The following SERHL2 variants were observed in gnomAD, a reference collection of about 807,000 sequenced individuals.
SERHL2 encodes serine hydrolase-like protein 2.
A neutral mutation model predicts 25.5 loss-of-function variants in SERHL2; 29 were observed. The observed-to-expected ratio is 1.14, with a 90% CI of 0.85 to 1.55. The LOEUF is 1.55. SERHL2 is among the 40% of genes most tolerant of loss of function. The pLI is 0.00. For synonymous variants in SERHL2, 95 were observed against 103.5 expected (o/e 0.92, Z 0.50); for missense variants, 240 against 252.3 (o/e 0.95, Z 0.33).
At chr22:42,573,562 G>C (rs529822684) in intron 11 of SERHL2, 17 of 230,554 alleles carry the variant, frequency 7.4e-5, no homozygotes, top group African/African-American at 3.9e-4. Flanking sequence ...GCCCGGCCCT[G>C]TCTGGCTTCT....
intron 1 of SERHL2, 128 bp downstream of exon 1, chr22:42,554,170 C>T (rs1921942886): frequency 3.4e-6 from 4 of 1,173,722 alleles, no homozygotes; most frequent in Admixed American, 4.1e-5. Flanking sequence ...GCTCCTTCCT[C>T]GGCAGTCCCG....
At chr22:42,571,383 G>T in intron 10 of SERHL2, 180 bp downstream of exon 10, 2 of 1,419,920 alleles carry the variant, frequency 1.4e-6, no homozygotes, top group East Asian at 5.4e-5. Context: ...GAAGGTCAGA[G>T]GAGGGGAGGG....
At chr22:42,570,576 C>T (rs1222096056) in intron 9 of SERHL2, among the ~76,000 whole-genome samples, 1 of 152,218 alleles carries the variant, frequency 6.6e-6, no homozygotes, top group Non-Finnish European at 1.5e-5. Context: ...AAGCTGGCCA[C>T]ATCCCTGCCA....
At chr22:42,571,317 C>T in intron 10 of SERHL2, 114 bp downstream of exon 10, 5 of 1,540,468 alleles carry the variant, frequency 3.2e-6, no homozygotes, top group Non-Finnish European at 4.4e-6. Flanking sequence ...GACCACATCG[C>T]TAAGGCTCAA....
In SERHL2 at chr22:42,571,126, G is replaced by C. The variant is rs761119414; in HGVS notation, c.654G>C (p.Glu218Asp). 5.0e-6 allele frequency: 8 copies of C among 1,613,270 alleles called. No homozygotes were observed. The highest frequency in any genetic ancestry group is 1.3e-5 in the African/African-American group (1 of 74,906). ...CCATGTTTTTGTCTCTGCAGGCAGA[G>C]AACAGCATTGACTTCATCAGCAGGG... ...LNRDQRLAWAENSIDFISREL... is the reference protein window; with the variant it reads ...LNRDQRLAWADNSIDFISREL... The change falls in exon 10 of 12, where the codon GAG becomes GAC. Residue 218 changes from glutamate to aspartate, a missense_variant. Physicochemically the swap from Glu to Asp is conservative, Grantham distance 45. Around this residue, in one of 4 missense-constraint regions of SERHL2, gnomAD observed 212 missense variants for 168.9 expected, o/e 1.25. Coordinates refer to ENST00000327678, the MANE Select transcript of SERHL2 (RefSeq NM_014509.5).
chr22:42,564,688 C>A (rs187366863), intron 8 of SERHL2, among the ~76,000 whole-genome samples: 19 of 152,072 alleles, frequency 1.2e-4, no homozygotes, highest in Non-Finnish European at 1.8e-4. Context: ...GTCTTGGCCT[C>A]CCAAAGTATT....
chr22:42,572,435 G>A lies in SERHL2; in HGVS notation c.732-1G>A. On this transcript the variant is annotated splice_acceptor_variant, in intron 10 of 11. Coordinates refer to ENST00000327678, the MANE Select transcript of SERHL2 (RefSeq NM_014509.5). LOFTEE classifies it high-confidence loss of function. Reference sequence around the variant, plus strand: ...ACAACCCCCAACTCCTCACTTTCCAGAGCAGTCCACGGATATTTTGATTCA... The same window carrying A: ...ACAACCCCCAACTCCTCACTTTCCAAAGCAGTCCACGGATATTTTGATTCA... 1.2e-6 allele frequency: 2 copies of A among 1,607,572 alleles called. No homozygotes were observed. Among genetic ancestry groups the A allele is most frequent in the Non-Finnish European group, 1.7e-6 (2 of 1,174,766 alleles).
rs755358312 is a variant in SERHL2, at chr22:42,554,060, T to C, written c.22+18T>C. The C allele has an allele frequency of 5.6e-6, 9 of 1,612,370 alleles. 1 individual carries two copies. The highest frequency in any genetic ancestry group is 5.0e-5 in the Admixed American group (3 of 59,860). Reference sequence around the variant, plus strand: ...CGCACCAGGTCTGACGGGGAGGCCTTGTGCGAGCGTCCCACTGCCCACCCA... The same window carrying C: ...CGCACCAGGTCTGACGGGGAGGCCTCGTGCGAGCGTCCCACTGCCCACCCA... On this transcript the variant is annotated intron_variant, in intron 1 of 11. Coordinates refer to ENST00000327678, the MANE Select transcript of SERHL2 (RefSeq NM_014509.5).
chr22:42,559,756 T>TA (rs1922439778), intron 7 of SERHL2, among the ~76,000 whole-genome samples: 1 of 151,716 alleles, frequency 6.6e-6, no homozygotes, highest in African/African-American at 2.4e-5. Context: ...ACGAGACACA[T>TA]GCACGCTTTG....
chr22:42,566,220 T>TG, intron 8 of SERHL2, 84 bp from the exon 9 acceptor site: 7 of 1,412,366 alleles, frequency 5.0e-6, no homozygotes, highest in Non-Finnish European at 6.9e-6. Flanking sequence ...TGCAAAGGCC[T>TG]GGAGGGTTCC....
At chr22:42,567,494 C>T (rs1465200155) in intron 9 of SERHL2, among the ~76,000 whole-genome samples, 1 of 150,942 alleles carries the variant, frequency 6.6e-6, no homozygotes, top group Non-Finnish European at 1.5e-5. Flanking sequence ...GAAACCCCGT[C>T]TCTACTAAAA....
intron 7 of SERHL2, among the ~76,000 whole-genome samples, chr22:42,558,982 G>C (rs1449801155): frequency 2.6e-5 from 1 of 38,348 alleles, no homozygotes; most frequent in Non-Finnish European, 4.4e-5. Flanking sequence ...GGGCCTGGTA[G>C]GTCAGAGCTC....
Position 42,573,801 on chromosome 22 carries a change from G to A in SERHL2, c.826-135G>A. ...TCGGGGCTCCAAGGAGCCGAGTGTGGGGGAAACTCACTGTGGGAGGCGCTC... is the reference window on the plus strand; with the variant it reads ...TCGGGGCTCCAAGGAGCCGAGTGTGAGGGAAACTCACTGTGGGAGGCGCTC... On this transcript the variant is annotated intron_variant, in intron 11 of 11. Coordinates refer to ENST00000327678, the MANE Select transcript of SERHL2 (RefSeq NM_014509.5). 12 of 831,348 alleles carry A rather than the reference G, an allele frequency of 1.4e-5. No homozygotes were observed. The South Asian group carries it at 2.0e-4, about 14-fold the overall frequency. The allele number at this position is 831,348 out of a possible 1,614,324, so 51.5% of individuals were successfully genotyped here. A position where few individuals can be genotyped will look rare whatever the true frequency, so the allele number is the denominator to read the frequency against.
intron 1 of SERHL2, among the ~76,000 whole-genome samples, chr22:42,554,360 G>A (rs1376419853): frequency 2.6e-5 from 4 of 152,130 alleles, no homozygotes; most frequent in African/African-American, 9.7e-5. Flanking sequence ...GGGGGTTCCT[G>A]GAGTCCCACC....
intron 1 of SERHL2, among the ~76,000 whole-genome samples, chr22:42,554,274 C>A (rs1205860967): frequency 6.6e-6 from 1 of 152,084 alleles, no homozygotes; most frequent in Admixed American, 6.5e-5. Flanking sequence ...GTTAGCCGAG[C>A]GTGCGCGTGG....
intron 10 of SERHL2, 183 bp downstream of exon 10, chr22:42,571,386 G>C (rs2146755624): frequency 7.1e-7 from 1 of 1,415,528 alleles, no homozygotes; most frequent in East Asian, 2.7e-5. Context: ...GGTCAGAGGA[G>C]GGGAGGGCTC....
Position 42,571,121 on chromosome 22 carries a change from G to T in SERHL2, c.649G>T (p.Ala217Ser). The T allele has an allele frequency of 6.2e-7, 1 of 1,613,318 alleles. No individual in the cohort carries two copies. The highest frequency in any genetic ancestry group is 8.5e-7 in the Non-Finnish European group (1 of 1,179,552). ...VLNRDQRLAW[A>S]ENSIDFISRE... is the part of the protein sequence containing the mutation. ...ATTCACCATGTTTTTGTCTCTGCAG[G>T]CAGAGAACAGCATTGACTTCATCAG... Residue 217 changes from alanine to serine, a missense_variant and splice_region_variant, in exon 10 of 12, where the codon GCA becomes TCA. This residue lies in a region of SERHL2 where 212 missense variants were observed against 168.9 expected (regional missense o/e 1.25). Coordinates refer to ENST00000327678, the MANE Select transcript of SERHL2 (RefSeq NM_014509.5).
rs1450653838 is a variant in SERHL2, at chr22:42,572,558, C to T, written c.825+29C>T. ...AGACGGGGCTCAGGCAGCTGGTGTC[C>T]AGCCACTGTCGCCCACTCTGGTCCC... On this transcript the variant is annotated intron_variant, in intron 11 of 11. Transcript: ENST00000327678. The T allele has an allele frequency of 3.1e-6, 5 of 1,608,614 alleles. 1 individual carries two copies. In the Admixed American group the frequency reaches 5.0e-5, roughly 16 times the overall value.
At chr22:42,572,669 C>G in intron 11 of SERHL2, 140 bp downstream of exon 11, 1 of 1,427,362 alleles carries the variant, frequency 7.0e-7, no homozygotes, top group Non-Finnish European at 9.2e-7. Flanking sequence ...TATCAGGCCT[C>G]ATGCTCCACT....
Sources: gnomAD v4.1 joint callset for allele counts (sites outside exome capture counted in the v4.1 genomes callset) on GRCh38, gnomAD v4.1.1 for gene constraint, gnomAD v4.1.1 regional missense constraint, MANE v1.5 for transcripts, NCBI Gene and HGNC (gene_info 2026-07-23, HGNC 2026-07-21) for gene names.